The following PDE4D variants were observed in gnomAD, a reference collection of about 807,000 sequenced individuals.
PDE4D encodes 3',5'-cyclic-AMP phosphodiesterase 4D.
In PDE4D, 24 loss-of-function variants were observed where a neutral mutation model predicts 87.4. The ratio of observed to expected loss-of-function variants is 0.27; its 90% confidence interval spans 0.20 to 0.39. The LOEUF is 0.39. Ranked by LOEUF, PDE4D falls within the 10% of genes least tolerant of loss-of-function variation. The pLI, the probability that PDE4D is intolerant of heterozygous loss-of-function variation, is 1.00. For missense variants in PDE4D, 714 were observed against 1,041.0 expected (o/e 0.69, Z 4.32); for synonymous variants, 384 against 383.2 (o/e 1.00, Z -0.02).
intron 1 of PDE4D, among the ~76,000 whole-genome samples, chr5:59,392,356 C>T (rs1788397600): frequency 6.6e-6 from 1 of 152,020 alleles, no homozygotes; most frequent in African/African-American, 2.4e-5. Flanking sequence ...ATGCTTCCTT[C>T]TCTGAAATAT....
At chr5:60,194,592 C>A (rs1740984983) in intron 1 of PDE4D, among the ~76,000 whole-genome samples, 2 of 151,662 alleles carry the variant, frequency 1.3e-5, no homozygotes, top group Non-Finnish European at 3.0e-5. Context: ...TTGACCAATA[C>A]CCCAGATAAT....
At chr5:59,252,621 A>T (rs1248673819) in intron 1 of PDE4D, among the ~76,000 whole-genome samples, 2 of 151,942 alleles carry the variant, frequency 1.3e-5, no homozygotes, top group Non-Finnish European at 2.9e-5. Flanking sequence ...TCCCAGTCTC[A>T]AGCAATCCTC....
intron 2 of PDE4D, among the ~76,000 whole-genome samples, chr5:60,064,538 G>A (rs1237481344): frequency 6.6e-6 from 1 of 152,036 alleles, no homozygotes; most frequent in African/African-American, 2.4e-5. Flanking sequence ...TTCTTATTTT[G>A]CACCCTTCCA....
At chr5:59,572,402 A>G (rs754313783) in intron 1 of PDE4D, among the ~76,000 whole-genome samples, 3 of 152,114 alleles carry the variant, frequency 2.0e-5, no homozygotes, top group Non-Finnish European at 2.9e-5. Flanking sequence ...CTATTTTATT[A>G]TACTTTCTTT....
intron 1 of PDE4D, among the ~76,000 whole-genome samples, chr5:59,281,596 G>A (rs1370904470): frequency 6.6e-6 from 1 of 151,984 alleles, no homozygotes; most frequent in Non-Finnish European, 1.5e-5. Context: ...CCCTTTCTAA[G>A]TATACTGATC....
In PDE4D at chr5:59,343,112, CCT is replaced by C. The variant is rs1779033935; in HGVS notation, c.456-127146_456-127145del. ...GATTCTCTCCCTTCTCCCACCCTCC[CCT>C]CTCTGGTATGCTCCTGTGTCTGTTG... On this transcript the variant is annotated intron_variant, in intron 1 of 14. Transcript: ENST00000340635. Among the ~76,000 whole-genome samples, 3 of 152,088 alleles carry C rather than the reference CCT, an allele frequency of 2.0e-5. No homozygotes were observed. The South Asian group carries it at 6.2e-4, about 32-fold the overall frequency.
At chr5:60,500,584 C>T (rs1750024735) in intron 1 of PDE4D, among the ~76,000 whole-genome samples, 1 of 152,202 alleles carries the variant, frequency 6.6e-6, no homozygotes, top group African/African-American at 2.4e-5. Context: ...TTTCAAAACA[C>T]TTTCACACAT....
intron 1 of PDE4D, among the ~76,000 whole-genome samples, chr5:60,283,427 C>G (rs1199899858): frequency 1.3e-5 from 2 of 152,042 alleles, no homozygotes; most frequent in Non-Finnish European, 2.9e-5. Flanking sequence ...ACTGTCTGCT[C>G]CTAATCATTT....
intron 2 of PDE4D, among the ~76,000 whole-genome samples, chr5:60,099,198 TGAG>T (rs1775991808): frequency 6.6e-6 from 1 of 151,968 alleles, no homozygotes; most frequent in South Asian, 2.1e-4. Context: ...TTCCATGTGA[TGAG>T]TAGTTTTTCT....
intron 1 of PDE4D, among the ~76,000 whole-genome samples, chr5:60,476,516 C>T (rs1748337379): frequency 6.6e-6 from 1 of 152,204 alleles, no homozygotes; most frequent in South Asian, 2.1e-4. Context: ...TGTCTCTCCC[C>T]TGCCCCAAAT....
At chr5:59,487,553 T>G (rs970199436) in intron 1 of PDE4D, among the ~76,000 whole-genome samples, 4 of 152,144 alleles carry the variant, frequency 2.6e-5, no homozygotes, top group Non-Finnish European at 4.4e-5. Flanking sequence ...CCTAGTTAGT[T>G]ATTAGTCTAT....
chr5:59,289,850 A>G (rs1157699642), intron 1 of PDE4D, among the ~76,000 whole-genome samples: 1 of 152,066 alleles, frequency 6.6e-6, no homozygotes, highest in East Asian at 1.9e-4. Context: ...CAAAACAAAC[A>G]TACAAAAATT....
chr5:60,409,750 TA>T (rs948016028), intron 1 of PDE4D, among the ~76,000 whole-genome samples: 2 of 152,252 alleles, frequency 1.3e-5, no homozygotes, highest in African/African-American at 2.4e-5. Flanking sequence ...GAAGAATGTT[TA>T]AATGTCTGTA....
At chr5:59,769,103 A>G (rs1027073251) in intron 1 of PDE4D, among the ~76,000 whole-genome samples, 5 of 152,122 alleles carry the variant, frequency 3.3e-5, no homozygotes, top group Admixed American at 1.3e-4. Flanking sequence ...GGAAGAATAA[A>G]CAAGCACTAG....
intron 2 of PDE4D, among the ~76,000 whole-genome samples, chr5:60,167,459 G>A (rs1327483741): frequency 5.9e-5 from 9 of 151,344 alleles, no homozygotes; most frequent in Non-Finnish European, 1.0e-4. Flanking sequence ...TAGTAGAGAC[G>A]GGGTTTCACC....
chr5:59,241,314 TGAG>T (rs1757623399), intron 1 of PDE4D, among the ~76,000 whole-genome samples: 1 of 152,166 alleles, frequency 6.6e-6, no homozygotes, highest in Admixed American at 6.5e-5. Context: ...CTGTTCTTTC[TGAG>T]GAGTGGCAAC....
intron 5 of PDE4D, among the ~76,000 whole-genome samples, chr5:59,142,494 T>A (rs1778034072): frequency 6.6e-6 from 1 of 152,260 alleles, no homozygotes; most frequent in Non-Finnish European, 1.5e-5. Context: ...ACAGTTTTAT[T>A]CTGGAAAAGT....
At chr5:59,388,338 A>AT (rs2153606617) in intron 1 of PDE4D, among the ~76,000 whole-genome samples, 1 of 152,230 alleles carries the variant, frequency 6.6e-6, no homozygotes, top group South Asian at 2.1e-4. Flanking sequence ...TACAAAAAAG[A>AT]TGAAAGATGG....
At chr5:59,123,728 A>C (rs1375831106) in intron 5 of PDE4D, among the ~76,000 whole-genome samples, 6 of 152,146 alleles carry the variant, frequency 3.9e-5, no homozygotes, top group Non-Finnish European at 8.8e-5. Flanking sequence ...AAATCTGAAA[A>C]CTTCTGGGCT....
Sources: allele counts gnomAD v4.1 joint callset (sites outside exome capture counted in the v4.1 genomes callset), GRCh38; gene constraint gnomAD v4.1.1; transcripts MANE v1.5; gene names NCBI Gene and HGNC (gene_info 2026-07-23, HGNC 2026-07-21).